The following TBC1D14 variants were observed in gnomAD, a reference collection of about 807,000 sequenced individuals.
TBC1D14 encodes the protein TBC1 domain family, member 14.
A neutral mutation model predicts 79.0 loss-of-function variants in TBC1D14; 26 were observed. The ratio of observed to expected loss-of-function variants is 0.33; its 90% CI spans 0.24 to 0.46. The LOEUF is 0.46. Ranked by LOEUF, TBC1D14 falls within the 20% of genes least tolerant of loss-of-function variation. The pLI is 1.00. For synonymous variants in TBC1D14, 394 were observed against 349.9 expected (o/e 1.13, Z -1.40); for missense variants, 769 against 887.6 (o/e 0.87, Z 1.70).
chr4:7,017,869 C>T (rs777657373), intron 12 of TBC1D14, among the ~76,000 whole-genome samples: 73 of 152,110 alleles, frequency 4.8e-4, no homozygotes, highest in African/African-American at 8.7e-4. Flanking sequence ...ATTGGTGGTC[C>T]GCAGTGATTC....
chr4:6,996,035 A>G (rs1719006735), intron 4 of TBC1D14, among the ~76,000 whole-genome samples: 1 of 149,384 alleles, frequency 6.7e-6, no homozygotes, highest in Non-Finnish European at 1.5e-5. Context: ...GACGGGTTTC[A>G]CCATGTTAGC....
intron 3 of TBC1D14, among the ~76,000 whole-genome samples, chr4:6,980,471 A>G (rs977736302): frequency 6.6e-6 from 1 of 152,226 alleles, no homozygotes; most frequent in African/African-American, 2.4e-5. Flanking sequence ...TACCTGAAGA[A>G]AGTATAAACA....
chr4:6,963,442 G>C (rs1309251716), intron 2 of TBC1D14, among the ~76,000 whole-genome samples: 5 of 152,258 alleles, frequency 3.3e-5, no homozygotes, highest in Non-Finnish European at 7.3e-5. Context: ...GGACAGAGCA[G>C]ATGGGCTCTG....
intron 4 of TBC1D14, 121 bp from the exon 5 acceptor site, chr4:6,996,204 T>TAAA (rs1719027845): frequency 1.3e-6 from 1 of 752,112 alleles, no homozygotes. Flanking sequence ...TGTGTAATCT[T>TAAA]AAAAAAATGA....
chr4:7,015,330 G>A (rs1034535405), intron 12 of TBC1D14, among the ~76,000 whole-genome samples: 1 of 152,290 alleles, frequency 6.6e-6, no homozygotes, highest in East Asian at 1.9e-4. Flanking sequence ...GAAATATTGT[G>A]GGTATGTCAG....
chr4:7,010,294 G>A (rs1025743608), intron 10 of TBC1D14, among the ~76,000 whole-genome samples: 2 of 152,196 alleles, frequency 1.3e-5, no homozygotes, highest in East Asian at 1.9e-4. Flanking sequence ...ATGTGTGTGC[G>A]CATGCATGGT....
intron 10 of TBC1D14, 65 bp downstream of exon 10, chr4:7,010,013 C>A: frequency 6.4e-7 from 1 of 1,563,426 alleles, no homozygotes; most frequent in Non-Finnish European, 8.8e-7. Flanking sequence ...TATTGTCCAG[C>A]ACGTGTTAGC....
chr4:6,959,466 G>A (rs1434157484), intron 2 of TBC1D14, among the ~76,000 whole-genome samples: 1 of 152,166 alleles, frequency 6.6e-6, no homozygotes, highest in Non-Finnish European at 1.5e-5. Context: ...CCCCCGGGCT[G>A]GTGTGAAGGC....
intron 2 of TBC1D14, among the ~76,000 whole-genome samples, chr4:6,938,978 G>T (rs1156639174): frequency 6.6e-6 from 1 of 152,190 alleles, no homozygotes; most frequent in East Asian, 1.9e-4. Flanking sequence ...CAGGCTCTGT[G>T]GGCTGGCCTG....
intron 2 of TBC1D14, among the ~76,000 whole-genome samples, chr4:6,941,644 C>A (rs1444761346): frequency 2.0e-5 from 1 of 48,852 alleles, no homozygotes; most frequent in East Asian, 1.9e-3. Context: ...ACATCTGTTC[C>A]TGTGACTTGT....
chr4:7,015,696 G>A (rs895901935), intron 12 of TBC1D14, among the ~76,000 whole-genome samples: 3 of 152,152 alleles, frequency 2.0e-5, no homozygotes, highest in Admixed American at 1.3e-4. Flanking sequence ...ATGGTGGGAA[G>A]AGGGTGCCTC....
At chr4:6,931,662 G>A (rs1413860666) in intron 2 of TBC1D14, among the ~76,000 whole-genome samples, 1 of 152,030 alleles carries the variant, frequency 6.6e-6, no homozygotes. Flanking sequence ...TGCTTTCCTG[G>A]GCTTTGTTTT....
intron 2 of TBC1D14, among the ~76,000 whole-genome samples, chr4:6,932,114 C>T (rs1440525609): frequency 6.6e-6 from 1 of 152,092 alleles, no homozygotes; most frequent in Non-Finnish European, 1.5e-5. Flanking sequence ...AATCCCAGCA[C>T]TTCGGGAGAC....
At chr4:7,004,781 C>G in intron 7 of TBC1D14, 63 bp from the exon 8 acceptor site, 13 of 1,449,148 alleles carry the variant, frequency 9.0e-6, no homozygotes, top group Non-Finnish European at 1.1e-5. Flanking sequence ...GTACTGTGTT[C>G]TGTGGTGGTT....
rs1159600986 is a variant in TBC1D14, at chr4:6,994,199, G to A, written c.859G>A (p.Ala287Thr). The change falls in exon 4 of 14, where the codon GCT (alanine) becomes ACT (threonine). Residue 287 changes from alanine (A) to threonine (T), a missense_variant. Physicochemically the swap from Ala to Thr is moderately conservative, Grantham distance 58. Around this residue, in one of 2 missense-constraint regions of TBC1D14, gnomAD observed 402 missense variants for 393.2 expected, o/e 1.02. Coordinates refer to ENST00000409757, the MANE Select transcript of TBC1D14 (RefSeq NM_020773.3). Reference sequence around the variant, plus strand: ...TTTGTCCTAGGAATATGAAGACAAGGCTGGAAGACCTAGCAAGCCACCCTC... The same window carrying A: ...TTTGTCCTAGGAATATGAAGACAAGACTGGAAGACCTAGCAAGCCACCCTC... The part of the protein sequence containing the change: ...KRIQKEYEDK[A>T]GRPSKPPSPK... The A allele has an allele frequency of 3.7e-6, 6 of 1,614,184 alleles. No homozygotes were observed. The highest frequency in any genetic ancestry group is 5.1e-6 in the Non-Finnish European group (6 of 1,179,996).
At chr4:6,910,863 G>T (rs540323363) in intron 1 of TBC1D14, among the ~76,000 whole-genome samples, 123 of 152,262 alleles carry the variant, frequency 8.1e-4, no homozygotes, top group African/African-American at 2.8e-3. Context: ...GGTGCGTTTT[G>T]CCCCTACTGG....
At chr4:7,021,199 C>A (rs1301307631) in intron 12 of TBC1D14, among the ~76,000 whole-genome samples, 1 of 152,226 alleles carries the variant, frequency 6.6e-6, no homozygotes, top group Admixed American at 6.5e-5. Flanking sequence ...TCAGCAAAAA[C>A]TGCCCCTTTC....
chr4:6,938,500 A>G (rs924660329), intron 2 of TBC1D14, among the ~76,000 whole-genome samples: 7 of 152,114 alleles, frequency 4.6e-5, no homozygotes, highest in Admixed American at 2.0e-4. Flanking sequence ...CCTCACTCCC[A>G]GCTGGCTGCC....
intron 3 of TBC1D14, among the ~76,000 whole-genome samples, chr4:6,975,166 G>A (rs1044066893): frequency 6.6e-6 from 1 of 151,532 alleles, no homozygotes; most frequent in Non-Finnish European, 1.5e-5. Flanking sequence ...CGCCCATCTT[G>A]GCCTCCCAAA....
Sources: gnomAD v4.1 joint callset for allele counts (sites outside exome capture counted in the v4.1 genomes callset) on GRCh38, gnomAD v4.1.1 for gene constraint, gnomAD v4.1.1 regional missense constraint, MANE v1.5 for transcripts, NCBI Gene and HGNC (gene_info 2026-07-23, HGNC 2026-07-21) for gene names.